Variants in CEP112 observed in about 807,000 individuals in gnomAD.
The protein encoded by CEP112 is centrosomal protein 112.
In CEP112, 127 loss-of-function variants were observed where a neutral mutation model predicts 153.0. That is an observed-to-expected ratio of 0.83 (90% CI 0.72 to 0.96). CEP112 has a LOEUF of 0.96. Ranked by LOEUF, CEP112 falls within the 40% of genes least tolerant of loss-of-function variation. The pLI, the probability that CEP112 is intolerant of heterozygous loss-of-function variation, is 0.00. For missense variants in CEP112, 1,089 were observed against 1,101.2 expected (o/e 0.99, Z 0.16); for synonymous variants, 358 against 374.4 (o/e 0.96, Z 0.51).
intron 23 of CEP112, among the ~76,000 whole-genome samples, chr17:65,698,219 G>A (rs1448448482): frequency 1.3e-5 from 2 of 152,048 alleles, no homozygotes; most frequent in Non-Finnish European, 2.9e-5. Context: ...TTGTTGCTGC[G>A]ACAAACCACA....
chr17:65,686,680 G>A (rs905516830), intron 24 of CEP112, among the ~76,000 whole-genome samples: 3 of 152,150 alleles, frequency 2.0e-5, no homozygotes, highest in East Asian at 1.9e-4. Flanking sequence ...ATCCGAGGAG[G>A]CATTTTCATC....
intron 21 of CEP112, among the ~76,000 whole-genome samples, chr17:65,790,624 T>C (rs1169594766): frequency 6.6e-6 from 1 of 152,108 alleles, no homozygotes; most frequent in Non-Finnish European, 1.5e-5. Flanking sequence ...GAAATAGCCT[T>C]AATTAGGACC....
At chr17:65,919,112 G>A (rs2060606528) in intron 19 of CEP112, among the ~76,000 whole-genome samples, 1 of 152,220 alleles carries the variant, frequency 6.6e-6, no homozygotes, top group African/African-American at 2.4e-5. Context: ...GGGGATCTGA[G>A]GGCATAGCCT....
chr17:65,696,549 G>A (rs2048366653), intron 23 of CEP112, among the ~76,000 whole-genome samples: 1 of 152,168 alleles, frequency 6.6e-6, no homozygotes, highest in South Asian at 2.1e-4. Flanking sequence ...ACAGTCTGTG[G>A]CCGTGAAACA....
chr17:65,902,521 A>G (rs1007641850), intron 19 of CEP112, among the ~76,000 whole-genome samples, 187 bp from the exon 20 acceptor site: 1 of 151,912 alleles, frequency 6.6e-6, no homozygotes, highest in African/African-American at 2.4e-5. Flanking sequence ...TAATATTCAA[A>G]ATAGTTGGGC....
chr17:65,692,323 G>T (rs541740553), intron 23 of CEP112, among the ~76,000 whole-genome samples: 7 of 151,296 alleles, frequency 4.6e-5, no homozygotes, highest in African/African-American at 1.7e-4. Flanking sequence ...CCACCTCCCG[G>T]GTTCAAGCGA....
chr17:65,668,675 T>C (rs901621184), intron 24 of CEP112, among the ~76,000 whole-genome samples: 1 of 152,228 alleles, frequency 6.6e-6, no homozygotes, highest in Non-Finnish European at 1.5e-5. Flanking sequence ...CCTTCTTTCC[T>C]GGGATGGAAC....
At chr17:65,822,884 G>A (rs1023924785) in intron 21 of CEP112, among the ~76,000 whole-genome samples, 3 of 152,014 alleles carry the variant, frequency 2.0e-5, no homozygotes, top group African/African-American at 7.2e-5. Context: ...ATTAATAAAT[G>A]AGTTTAGAAA....
At chr17:66,111,697 G>A (rs1413426690) in intron 6 of CEP112, among the ~76,000 whole-genome samples, 1 of 152,010 alleles carries the variant, frequency 6.6e-6, no homozygotes, top group Non-Finnish European at 1.5e-5. Flanking sequence ...ACGGACACTG[G>A]AGTCTACTTG....
At chr17:66,034,309 C>T (rs1161509329) in intron 12 of CEP112, among the ~76,000 whole-genome samples, 2 of 152,054 alleles carry the variant, frequency 1.3e-5, no homozygotes, top group Admixed American at 6.6e-5. Context: ...ATGATTTTTG[C>T]ATGTTTTATA....
chr17:65,701,441 C>T (rs2048626977), intron 23 of CEP112, among the ~76,000 whole-genome samples: 1 of 151,970 alleles, frequency 6.6e-6, no homozygotes, highest in Non-Finnish European at 1.5e-5. Context: ...AGTATGGTGT[C>T]AAAAAAGAAA....
chr17:66,140,133 T>C (rs2146602050), intron 4 of CEP112, among the ~76,000 whole-genome samples: 1 of 152,248 alleles, frequency 6.6e-6, no homozygotes, highest in South Asian at 2.1e-4. Context: ...ATATGCTAAA[T>C]AATAAATGCG....
intron 16 of CEP112, among the ~76,000 whole-genome samples, chr17:66,026,080 A>G (rs1008427018): frequency 6.6e-6 from 1 of 152,094 alleles, no homozygotes; most frequent in African/African-American, 2.4e-5. Flanking sequence ...TAATGGGTAC[A>G]CATGAACGTA....
At chr17:66,174,544 T>A (rs997766966) in intron 4 of CEP112, among the ~76,000 whole-genome samples, 8 of 152,196 alleles carry the variant, frequency 5.3e-5, no homozygotes, top group Non-Finnish European at 1.0e-4. Context: ...CAAATTTAAA[T>A]CTATCCCTTC....
chr17:65,641,314 T>C (rs1207809439), intron 24 of CEP112, among the ~76,000 whole-genome samples: 3 of 152,222 alleles, frequency 2.0e-5, no homozygotes, highest in African/African-American at 4.8e-5. Flanking sequence ...ATGAACACAA[T>C]TTTCAGCATC....
At chr17:65,823,321 T>G (rs117578507) in intron 21 of CEP112, among the ~76,000 whole-genome samples, 15 of 152,274 alleles carry the variant, frequency 9.9e-5, no homozygotes, top group Non-Finnish European at 2.1e-4. Context: ...TGTGGCATTG[T>G]AAAAGGATAG....
chr17:65,952,036 A>T, intron 18 of CEP112, among the ~76,000 whole-genome samples: 1 of 152,032 alleles, frequency 6.6e-6, no homozygotes, highest in East Asian at 1.9e-4. Flanking sequence ...GATTTCCCAG[A>T]TTTTCTTTTG....
chr17:66,188,470 G>A (rs1161095839), intron 1 of CEP112, among the ~76,000 whole-genome samples: 3 of 144,552 alleles, frequency 2.1e-5, no homozygotes, highest in East Asian at 4.1e-4. Flanking sequence ...CTGGAGTCAG[G>A]TAAATGCAGC....
At chr17:65,971,597 ATAT>A (rs1568320632) in intron 17 of CEP112, among the ~76,000 whole-genome samples, 4 of 54,172 alleles carry the variant, frequency 7.4e-5, no homozygotes, top group African/African-American at 1.9e-4. Context: ...ACATGCATGC[ATAT>A]TGTGTGCATA....
Sources: allele counts gnomAD v4.1 joint callset (sites outside exome capture counted in the v4.1 genomes callset), GRCh38; gene constraint gnomAD v4.1.1; transcripts MANE v1.5; gene names NCBI Gene and HGNC (gene_info 2026-07-23, HGNC 2026-07-21).